The following NRG3 variants were observed in gnomAD, a reference collection of about 807,000 sequenced individuals.
The protein encoded by NRG3 is neuregulin 3, also known as pro-neuregulin-3, membrane-bound isoform.
NRG3 carries 31 observed loss-of-function variants against 66.9 expected under a neutral mutation model. The ratio of observed to expected loss-of-function variants is 0.46; its 90% CI spans 0.35 to 0.63. The LOEUF (loss-of-function observed/expected upper bound fraction) is 0.63. NRG3 is among the 20% of genes least tolerant of loss of function. The pLI is 0.00. For missense variants in NRG3, 910 were observed against 878.9 expected, an observed-to-expected ratio of 1.04 and a Z score of -0.45; for synonymous variants, 393 against 359.4, an observed-to-expected ratio of 1.09 and a Z score of -1.06.
intron 1 of NRG3, among the ~76,000 whole-genome samples, chr10:82,102,934 T>G (rs2066846422): frequency 6.6e-6 from 1 of 152,132 alleles, no homozygotes; most frequent in Non-Finnish European, 1.5e-5. Context: ...CATTCTGTTG[T>G]TCTGCCTTCA....
At chr10:81,893,618 C>G (rs1021302221) in intron 1 of NRG3, among the ~76,000 whole-genome samples, 2 of 152,164 alleles carry the variant, frequency 1.3e-5, no homozygotes, top group Non-Finnish European at 2.9e-5. Context: ...AGCAGCAAAA[C>G]AAATTAACAA....
chr10:81,888,180 G>A (rs1842760725), intron 1 of NRG3, among the ~76,000 whole-genome samples: 1 of 152,054 alleles, frequency 6.6e-6, no homozygotes, highest in South Asian at 2.1e-4. Context: ...ATTTTCCTTT[G>A]TTCTCAGGAT....
At chr10:82,556,134 A>G (rs1407038185) in intron 2 of NRG3, among the ~76,000 whole-genome samples, 1 of 152,098 alleles carries the variant, frequency 6.6e-6, no homozygotes, top group Non-Finnish European at 1.5e-5. Context: ...TTTTGGTTAC[A>G]TCTCACTTTT....
At chr10:82,055,555 G>A (rs747396360) in intron 1 of NRG3, among the ~76,000 whole-genome samples, 9 of 151,854 alleles carry the variant, frequency 5.9e-5, no homozygotes, top group Non-Finnish European at 1.2e-4. Flanking sequence ...GTGAGGTAAA[G>A]AGAAAATGGA....
chr10:82,877,271 G>A (rs915362008), intron 4 of NRG3, among the ~76,000 whole-genome samples: 10 of 151,662 alleles, frequency 6.6e-5, no homozygotes, highest in Admixed American at 3.3e-4. Context: ...GTCAGAATGT[G>A]TTGAGCCCCT....
intron 1 of NRG3, among the ~76,000 whole-genome samples, chr10:81,912,081 C>A (rs971064033): frequency 1.8e-4 from 27 of 152,116 alleles, no homozygotes; most frequent in Non-Finnish European, 3.7e-4. Flanking sequence ...GTAATGCTTT[C>A]CAGATACTTC....
intron 2 of NRG3, among the ~76,000 whole-genome samples, chr10:82,611,833 G>C (rs1227995305): frequency 6.6e-6 from 1 of 152,104 alleles, no homozygotes; most frequent in Non-Finnish European, 1.5e-5. Flanking sequence ...AGACCCTTGA[G>C]GAATCACCAC....
At chr10:82,913,574 A>G (rs1845536230) in intron 4 of NRG3, among the ~76,000 whole-genome samples, 1 of 152,194 alleles carries the variant, frequency 6.6e-6, no homozygotes, top group Non-Finnish European at 1.5e-5. Context: ...ACAGAATTCT[A>G]AATTGGTGAT....
chr10:82,363,743 C>T (rs1264659898), intron 2 of NRG3, among the ~76,000 whole-genome samples: 2 of 152,174 alleles, frequency 1.3e-5, no homozygotes, highest in African/African-American at 4.8e-5. Flanking sequence ...AGGCGTGAGC[C>T]ACCACACCTG....
intron 1 of NRG3, among the ~76,000 whole-genome samples, chr10:81,900,836 C>G (rs1843997526): frequency 6.6e-6 from 1 of 152,134 alleles, no homozygotes; most frequent in African/African-American, 2.4e-5. Flanking sequence ...AGCCAAAATA[C>G]TGGCATATTT....
chr10:82,736,324 C>T (rs879941830), intron 2 of NRG3, among the ~76,000 whole-genome samples: 1 of 152,196 alleles, frequency 6.6e-6, no homozygotes, highest in Non-Finnish European at 1.5e-5. Context: ...CTGGCATTAC[C>T]TGCTAGCAAC....
chr10:82,801,727 G>T (rs900973809), intron 3 of NRG3, among the ~76,000 whole-genome samples: 1 of 152,198 alleles, frequency 6.6e-6, no homozygotes, highest in South Asian at 2.1e-4. Context: ...ACTATTTGAA[G>T]AGTACGCAGA....
intron 4 of NRG3, among the ~76,000 whole-genome samples, chr10:82,901,521 G>A (rs2483303): frequency 0.59 from 89,792 of 152,020 alleles, 28,555 homozygotes; most frequent in African/African-American, 0.83. Flanking sequence ...TCATTCTCAG[G>A]TACTGCTCTC....
At chr10:82,741,157 A>G (rs2058406326) in intron 3 of NRG3, among the ~76,000 whole-genome samples, 1 of 152,150 alleles carries the variant, frequency 6.6e-6, no homozygotes, top group Non-Finnish European at 1.5e-5. Flanking sequence ...GCATTCATCC[A>G]TGCACACGTG....
In NRG3 at chr10:82,360,029, A is replaced by G. The variant is rs139465607; in HGVS notation, c.953+1161A>G. Among the ~76,000 whole-genome samples the G allele has an allele frequency of 3.9e-3, 596 of 152,282 alleles. 2 individuals are homozygous for G. The highest frequency in any genetic ancestry group is 0.013 in the African/African-American group (555 of 41,556). On this transcript the variant is annotated intron_variant, in intron 2 of 8. Transcript: ENST00000372141. ...AGGAGGGCTCTGTAAAAGTTACCAT[A>G]TGTCCTGTGTCAGGACAAATAGAAC...
intron 2 of NRG3, among the ~76,000 whole-genome samples, chr10:82,596,700 C>G (rs1029324346): frequency 6.6e-6 from 1 of 152,166 alleles, no homozygotes; most frequent in African/African-American, 2.4e-5. Context: ...CTCTACCACT[C>G]TCTTTAAAAA....
chr10:82,591,846 T>G (rs1306057919), intron 2 of NRG3, among the ~76,000 whole-genome samples: 2 of 152,220 alleles, frequency 1.3e-5, no homozygotes, highest in African/African-American at 4.8e-5. Flanking sequence ...AGTCACTTAT[T>G]CATTCAGTTA....
At chr10:81,950,814 A>T (rs1469500891) in intron 1 of NRG3, among the ~76,000 whole-genome samples, 1 of 152,226 alleles carries the variant, frequency 6.6e-6, no homozygotes, top group African/African-American at 2.4e-5. Context: ...AGAATGATAC[A>T]TTCAAAATTC....
rs187805332 is a variant in NRG3, at chr10:82,465,682, G to A, written c.953+106814G>A. Among the ~76,000 whole-genome samples, 28 of 152,250 alleles carry A rather than the reference G, an allele frequency of 1.8e-4. No individual in the cohort carries two copies. The South Asian group carries it at 5.8e-3, about 32-fold the overall frequency. On this transcript the variant is annotated intron_variant, in intron 2 of 8. Transcript: ENST00000372141. ...CAGGGCCCAGAACCTGGGCTCTTAG[G>A]GGGTGGGGGGCAGCAGAACAGAACA...
Sources: allele counts gnomAD v4.1 joint callset (sites outside exome capture counted in the v4.1 genomes callset), GRCh38; gene constraint gnomAD v4.1.1; transcripts MANE v1.5; gene names NCBI Gene and HGNC (gene_info 2026-07-23, HGNC 2026-07-21).